Variants in ZNF185 observed in about 807,000 individuals in gnomAD.
The protein encoded by ZNF185 is zinc finger protein 185.
In ZNF185, 56 loss-of-function variants were observed where a neutral mutation model predicts 58.6. The observed-to-expected ratio is 0.95, with a 90% CI of 0.77 to 1.19. ZNF185 has a LOEUF of 1.19. Among genes scored for constraint, ZNF185 ranks in the 50% most tolerant of loss-of-function variants. The pLI is 0.00. For synonymous variants in ZNF185, 230 were observed against 215.9 expected (o/e 1.07, Z -0.57); for missense variants, 627 against 573.5 (o/e 1.09, Z -0.95).
chrX:152,959,422 C>T (rs1312272200), intron 16 of ZNF185, among the ~76,000 whole-genome samples: 2 of 112,360 alleles, frequency 1.8e-5, no homozygotes, highest in Non-Finnish European at 3.8e-5. Flanking sequence ...ACAAGAATAC[C>T]AGTGTGTTTC....
intron 15 of ZNF185, 28 bp downstream of exon 17, chrX:152,938,191 T>A: frequency 8.7e-7 from 1 of 1,153,897 alleles, no homozygotes; most frequent in Non-Finnish European, 1.2e-6. Flanking sequence ...AGTGCTGAAC[T>A]TCTGGGGTGG....
intron 14 of ZNF185, among the ~76,000 whole-genome samples, chrX:152,933,716 C>T (rs2045960728): frequency 8.9e-6 from 1 of 112,515 alleles, no homozygotes; most frequent in Non-Finnish European, 1.9e-5. Context: ...GGAGGAGTGG[C>T]AAAGCCAGTG....
upstream of ZNF185, chrX:152,914,353 C>T (rs1937900016): frequency 3.3e-5 from 19 of 572,646 alleles, no homozygotes; most frequent in Non-Finnish European, 4.9e-5. Context: ...AGAGGGCAGT[C>T]TGGATGATCT....
At chrX:152,951,147 G>A (rs1298886224) in intron 16 of ZNF185, among the ~76,000 whole-genome samples, 14 of 102,925 alleles carry the variant, frequency 1.4e-4, no homozygotes, top group Middle Eastern at 5.2e-3. Context: ...GTGCAGTCGC[G>A]CGATCACCAT....
In ZNF185 at chrX:152,932,865, C is replaced by T; in HGVS notation, c.1023-8C>T. 8.4e-7 allele frequency: 1 copy of T among 1,184,750 alleles called. No individual in the cohort carries two copies. The highest frequency in any genetic ancestry group is 2.2e-5 in the Admixed American group (1 of 44,481). The stretch of plus-strand genomic sequence containing the variant: ...TAGAGTCAGCAAATACTCCACTTCT[C>T]ATAACAGGTCAAGTGCACAGTTGAG... On this transcript the variant is annotated splice_polypyrimidine_tract_variant and splice_region_variant and intron_variant, in intron 13 of 22. Transcript: ENST00000449285.
rs185217637 is a variant in ZNF185 at position 152,927,513 on chromosome X, T to C, written c.831-1062T>C. 2.3e-3 allele frequency among the ~76,000 whole-genome samples: 252 copies of C among 111,385 alleles called. 1 individual carries two copies. In the Middle Eastern group the frequency reaches 0.028, roughly 12 times the overall value. ...CCTCTTTAAAGTGCCAGTCTGAACC[T>C]ATAAACCCCCCACCTCCACTTCAAG... On this transcript the variant is annotated intron_variant, in intron 11 of 22. Transcript: ENST00000449285.
intron 15 of ZNF185, among the ~76,000 whole-genome samples, chrX:152,940,142 G>C (rs2047008376): frequency 9.0e-6 from 1 of 110,503 alleles, no homozygotes; most frequent in Non-Finnish European, 1.9e-5. Context: ...GAATCACCTA[G>C]GAAGTACTGA....
At chrX:152,921,170 CAG>C (rs1556869348) in intron 9 of ZNF185, among the ~76,000 whole-genome samples, 1 of 112,028 alleles carries the variant, frequency 8.9e-6, no homozygotes, top group Non-Finnish European at 1.9e-5. Flanking sequence ...CAGGGCTTAA[CAG>C]GGAATGATCA....
In ZNF185 at chrX:152,967,251, T is replaced by C. The variant is rs1184525821; in HGVS notation, c.1871+13T>C. 1 of 1,202,415 alleles carries C rather than the reference T, an allele frequency of 8.3e-7. No individual in the cohort carries two copies. Among genetic ancestry groups the C allele is most frequent in the African/African-American group, 1.8e-5 (1 of 57,115 alleles). ...CATACTCTGAGAGGTATGTTGACTT[T>C]CTTAGCACGGAGCTTGCACTTCTAC... is the stretch of plus-strand genomic sequence containing the variant. On this transcript the variant is annotated intron_variant, in intron 20 of 22. Transcript: ENST00000449285.
chrX:152,931,922 C>T, intron 13 of ZNF185, 146 bp downstream of exon 14: 1 of 404,542 alleles, frequency 2.5e-6, no homozygotes, highest in Non-Finnish European at 4.1e-6. Context: ...CCCCCAGTAC[C>T]TGGGGTACTG....
chrX:152,949,459 CTT>C lies in ZNF185; in HGVS notation c.1409+3997_1409+3998del, dbSNP rs2048086029. On this transcript the variant is annotated intron_variant, in intron 16 of 22. Coordinates refer to ENST00000449285, the Ensembl canonical transcript of ZNF185. ...CCCCCTGGGGTTCTCTATTTGCAGT[CTT>C]TGGGTCTGGTCACTGGCATGGCATC... Among the ~76,000 whole-genome samples, 3 of 112,443 alleles carry C rather than the reference CTT, an allele frequency of 2.7e-5. No homozygotes were observed. In the Admixed American group the frequency reaches 2.8e-4, roughly 11 times the overall value.
At chrX:152,905,721 G>C in the ZNF185 span, among the ~76,000 whole-genome samples, 25 of 109,541 alleles carry the variant, frequency 2.3e-4, no homozygotes, top group Non-Finnish European at 4.4e-4. Flanking sequence ...CTTGGGGGGG[G>C]GGCGGGGTCA....
Position 152,919,025 on chromosome X carries a change from CGAG to C in ZNF185, c.494_496del (p.Glu165del), listed in dbSNP as rs781814997. On this transcript the variant is annotated inframe_deletion, in exon 7 of 23. Transcript: ENST00000449285. The stretch of plus-strand genomic sequence containing the variant: ...GGCGCAGCTCTACATCAGGGGACAC[CGAG>C]GAGGAGGAGGAGGAGGAGGTGGTGC... 3.3e-3 allele frequency: 3,430 copies of C among 1,039,745 alleles called. 2 individuals are homozygous for C. The highest frequency in any genetic ancestry group is 0.016 in the East Asian group (438 of 27,799). 85.7% of individuals were successfully genotyped at this position (1,039,745 alleles called of 1,213,427 possible).
At chrX:152,920,848 G>A in intron 9 of ZNF185, 100 bp downstream of exon 10, 1 of 1,002,821 alleles carries the variant, frequency 1.0e-6, no homozygotes, top group Non-Finnish European at 1.4e-6. Flanking sequence ...AGGGGATGTG[G>A]ATGTGGGGGA....
rs1410080709 is a variant in ZNF185, at chrX:152,941,324, T to G, written c.1211+3161T>G. Among the ~76,000 whole-genome samples the G allele has an allele frequency of 2.7e-5, 3 of 111,996 alleles. No homozygotes were observed. The East Asian group carries it at 8.4e-4, about 31-fold the overall frequency. On this transcript the variant is annotated intron_variant, in intron 15 of 22. Transcript: ENST00000449285. ...CTGGGAGTGGGAGACACTACTGGCTTCTTATATGCAGAGATCTGGGATGCT... is the reference window on the plus strand; with the variant it reads ...CTGGGAGTGGGAGACACTACTGGCTGCTTATATGCAGAGATCTGGGATGCT...
intron 15 of ZNF185, among the ~76,000 whole-genome samples, chrX:152,942,022 T>C (rs1359840571): frequency 1.8e-5 from 2 of 109,932 alleles, no homozygotes; most frequent in East Asian, 5.8e-4. Context: ...GGGGAGGGGG[T>C]GTGGACGTGC....
chrX:152,937,981 C>G (rs1378314182), intron 14 of ZNF185, 93 bp from the exon 17 acceptor site: 13 of 851,243 alleles, frequency 1.5e-5, no homozygotes, highest in Non-Finnish European at 1.8e-5. Context: ...ACAGTTCCTC[C>G]CTTTCTGGTG....
the ZNF185 span, among the ~76,000 whole-genome samples, chrX:152,909,360 G>C: frequency 8.9e-6 from 1 of 112,522 alleles, no homozygotes; most frequent in African/African-American, 3.2e-5. Context: ...AGGCTCTTCA[G>C]ATATTCTGGA....
intron 18 of ZNF185, among the ~76,000 whole-genome samples, 152 bp downstream of exon 20, chrX:152,964,101 T>C (rs2049855260): frequency 8.9e-6 from 1 of 112,499 alleles, no homozygotes; most frequent in African/African-American, 3.2e-5. Flanking sequence ...CAGGACAGTG[T>C]TAGTCCCCTA....
Sources: gnomAD v4.1 joint callset for allele counts (sites outside exome capture counted in the v4.1 genomes callset) on GRCh38, gnomAD v4.1.1 for gene constraint, MANE v1.5 for transcripts, NCBI Gene and HGNC (gene_info 2026-07-23, HGNC 2026-07-21) for gene names.